The following GPR132 variants were observed in gnomAD, a reference collection of about 807,000 sequenced individuals.
The protein encoded by GPR132 is G protein-coupled receptor 132, also known as probable G protein-coupled receptor 132.
GPR132 carries 4 observed loss-of-function variants against 1.9 expected under a neutral mutation model. That is an observed-to-expected ratio of 2.13 (90% CI 1.05 to 4.87). The LOEUF is 4.87. Ranked by LOEUF, GPR132 falls within the 30% of genes most tolerant of loss-of-function variation. The pLI, the probability that GPR132 is intolerant of heterozygous loss-of-function variation, is 0.01. For synonymous variants in GPR132, 233 were observed against 234.2 expected (o/e 0.99, Z 0.05); for missense variants, 404 against 512.5 (o/e 0.79, Z 2.04).
rs571013881 is a variant in GPR132 at position 105,054,257 on chromosome 14, G to T, written c.34+1130C>A. The T allele has an allele frequency of 1.8e-5, 21 of 1,167,862 alleles. No individual in the cohort carries two copies. In the African/African-American group the frequency reaches 3.3e-4, roughly 18 times the overall value. The allele number at this position is 1,167,862 out of a possible 1,614,324, so 72.3% of individuals were successfully genotyped here. On this transcript the variant is annotated intron_variant, in intron 3 of 3. Transcript: ENST00000329797. ...GCTGTGCCCTGGCGCGAGGTCAGGG[G>T]TCCCTGGGCACTGTCCAGCCCGCTG... is the stretch of plus-strand genomic sequence containing the variant.
intron 1 of GPR132, 88 bp downstream of exon 1, chr14:105,065,291 T>G (rs1322573264): frequency 6.6e-6 from 1 of 152,158 alleles, no homozygotes; most frequent in African/African-American, 2.4e-5. Context: ...GATCCCCCTC[T>G]GCCCGCCTCC....
chr14:105,053,984 TG>T, intron 3 of GPR132: 1 of 1,244,934 alleles, frequency 8.0e-7, no homozygotes, highest in Non-Finnish European at 1.0e-6. Flanking sequence ...GCCAGGGGGT[TG>T]CTAGAGGTCA....
intron 3 of GPR132, chr14:105,054,302 T>C (rs1199256602): frequency 6.6e-6 from 7 of 1,067,964 alleles, no homozygotes; most frequent in South Asian, 2.3e-5. Flanking sequence ...ACCTTCCACA[T>C]GCAAATGTCG....
rs571923011 is a variant in GPR132 at position 105,060,719 on chromosome 14, G to A, written c.-860-3439C>T. ...CCTCCTTCACTTTAACTGGACCAAG[G>A]GTTCTGGAAACCCTCCCAAACCTGG... is the stretch of plus-strand genomic sequence containing the variant. On this transcript the variant is annotated intron_variant, in intron 1 of 3. Coordinates refer to ENST00000329797, the MANE Select transcript of GPR132 (RefSeq NM_013345.4). This position sits in a 1 kb window ranked among gnomAD's most constrained non-coding sequence, Gnocchi z 6.3. Among the ~76,000 whole-genome samples, 1 of 152,302 alleles carries A rather than the reference G, an allele frequency of 6.6e-6. No individual in the cohort carries two copies. The highest frequency in any genetic ancestry group is 2.1e-4 in the South Asian group (1 of 4,830).
chr14:105,055,981 A>G lies in GPR132; in HGVS notation c.-561T>C, dbSNP rs1204476826. 5.3e-6 allele frequency: 1 copy of G among 189,468 alleles called. No individual in the cohort carries two copies. The allele number at this position is 189,468 out of a possible 1,614,324, so 11.7% of individuals were successfully genotyped here. A position where few individuals can be genotyped will look rare whatever the true frequency, so the allele number is the denominator to read the frequency against. ...TTCCGTTCTCCTGGGTCAGACCCAC[A>G]GTTGGCATTGCTGGATCTCACGGCA... On this transcript the variant is annotated 5_prime_UTR_variant, in exon 3 of 4. Coordinates refer to ENST00000329797, the MANE Select transcript of GPR132 (RefSeq NM_013345.4). The surrounding 1 kb of genome is among the most constrained non-coding windows in gnomAD (Gnocchi z 4.7).
chr14:105,053,385 C>T (rs1347085805), intron 3 of GPR132, among the ~76,000 whole-genome samples: 1 of 152,094 alleles, frequency 6.6e-6, no homozygotes, highest in Non-Finnish European at 1.5e-5. Context: ...ATCTTGAACT[C>T]CCGACCTCAG....
Position 105,050,043 on chromosome 14 carries a change from G to A in GPR132, c.*951C>T, listed in dbSNP as rs1454361261. The A allele has an allele frequency of 6.6e-6, 1 of 152,484 alleles. No individual in the cohort carries two copies. The highest frequency in any genetic ancestry group is 1.5e-5 in the Non-Finnish European group (1 of 68,252). The allele number at this position is 152,484 out of a possible 1,614,324, so 9.4% of individuals were successfully genotyped here. ...TCGATGGTGACCCAGTGAGGTAGGT[G>A]TCATTGGCCCCATTTTACAGATAGG... On this transcript the variant is annotated 3_prime_UTR_variant, in exon 4 of 4. Coordinates refer to ENST00000329797, the MANE Select transcript of GPR132 (RefSeq NM_013345.4). This position sits in a 1 kb window ranked among gnomAD's most constrained non-coding sequence, Gnocchi z 4.0.
rs1886808236 is a variant in GPR132 at position 105,056,813 on chromosome 14, C to G, written c.-747+354G>C. 6.6e-6 allele frequency among the ~76,000 whole-genome samples: 1 copy of G among 152,218 alleles called. No homozygotes were observed. Among genetic ancestry groups the G allele is most frequent in the South Asian group, 2.1e-4 (1 of 4,828 alleles). On this transcript the variant is annotated intron_variant, in intron 2 of 3. Transcript: ENST00000329797. This position sits in a 1 kb window ranked among gnomAD's most constrained non-coding sequence, Gnocchi z 6.0. ...TGGGTCAGAAGTAGGGGCAACGGCA[C>G]CAGGAGACGCATGGATGCGGGGGGC...
chr14:105,058,351 C>A (rs1332301013), intron 1 of GPR132, among the ~76,000 whole-genome samples: 1 of 152,170 alleles, frequency 6.6e-6, no homozygotes, highest in African/African-American at 2.4e-5. Context: ...CAGAGAGAGA[C>A]CCCGTCTCAA....
chr14:105,062,149 G>A (rs1260359405), intron 1 of GPR132, among the ~76,000 whole-genome samples: 1 of 152,214 alleles, frequency 6.6e-6, no homozygotes, highest in Non-Finnish European at 1.5e-5. Context: ...AGACCACAGT[G>A]TGTGTGGGCC....
At chr14:105,058,974 G>A (rs982298018) in intron 1 of GPR132, among the ~76,000 whole-genome samples, 2 of 152,220 alleles carry the variant, frequency 1.3e-5, no homozygotes, top group African/African-American at 4.8e-5. Flanking sequence ...TGCAGTGCAG[G>A]GATAGAGGCT....
At position 105,051,542 on chromosome 14, in the gene GPR132, AC is replaced by A; in HGVS notation, c.594del (p.Tyr199ThrfsTer34). 2 of 1,613,954 alleles carry A rather than the reference AC, an allele frequency of 1.2e-6. No homozygotes were observed. The highest frequency in any genetic ancestry group is 1.7e-6 in the Non-Finnish European group (2 of 1,180,032). ...CCAACGGTGAACCTGGCGTAGTAGT[AC>A]CCGGCAATCCTGCTGTCCATCTGCA... ...DMLQMDSRIA[G>X]YYYARFTVGF... On this transcript the variant is annotated frameshift_variant, in exon 4 of 4. Coordinates refer to ENST00000329797, the MANE Select transcript of GPR132 (RefSeq NM_013345.4). LOFTEE classifies it low-confidence loss of function (END_TRUNC). The surrounding 1 kb of genome is among the most constrained non-coding windows in gnomAD (Gnocchi z 8.0).
At position 105,051,438 on chromosome 14, in the gene GPR132, G is replaced by A. The variant is rs75775050; in HGVS notation, c.699C>T (p.Ser233=). Residue 233 remains serine (S), a synonymous_variant, in exon 4 of 4, where the codon AGC becomes AGT. Coordinates refer to ENST00000329797, the MANE Select transcript of GPR132 (RefSeq NM_013345.4). This position sits in a 1 kb window ranked among gnomAD's most constrained non-coding sequence, Gnocchi z 8.0. ...GCTTCACCTTGGCCTTCTGGGCAGC[G>A]CTTAAGCCCATGCTCTGCTTGATGC... The part of the protein sequence containing the change: ...FRSIKQSMGL[S]AAQKAKVKHS... 1,849 of 1,614,084 alleles carry A rather than the reference G, an allele frequency of 1.1e-3. 29 individuals carry two copies. In the East Asian group the frequency reaches 0.029, roughly 26 times the overall value.
At position 105,050,608 on chromosome 14, in the gene GPR132, G is replaced by A. The variant is rs1161833582; in HGVS notation, c.*386C>T. The stretch of plus-strand genomic sequence containing the variant: ...CAATGCACCACCGCATCCAGGCAAC[G>A]CTTGCAGAAATGCTCCGCAAATAAA... On this transcript the variant is annotated 3_prime_UTR_variant, in exon 4 of 4. Transcript: ENST00000329797. The surrounding 1 kb of genome is among the most constrained non-coding windows in gnomAD (Gnocchi z 4.0). The A allele has an allele frequency of 1.3e-5, 3 of 239,134 alleles. No individual in the cohort carries two copies. The highest frequency in any genetic ancestry group is 7.0e-5 in the South Asian group (1 of 14,364). 14.8% of individuals were successfully genotyped at this position (239,134 alleles called of 1,614,324 possible).
At position 105,056,837 on chromosome 14, in the gene GPR132, G is replaced by A. The variant is rs940517438; in HGVS notation, c.-747+330C>T. Among the ~76,000 whole-genome samples the A allele has an allele frequency of 6.6e-6, 1 of 152,248 alleles. No homozygotes were observed. The highest frequency in any genetic ancestry group is 1.5e-5 in the Non-Finnish European group (1 of 68,038). On this transcript the variant is annotated intron_variant, in intron 2 of 3. Transcript: ENST00000329797. This position sits in a 1 kb window ranked among gnomAD's most constrained non-coding sequence, Gnocchi z 6.0. ...ACCAGGAGACGCATGGATGCGGGGG[G>A]CTGGTGGTCAGCTCCTCATGGCCCA...
chr14:105,062,244 C>T (rs907687002), intron 1 of GPR132, among the ~76,000 whole-genome samples: 1 of 152,216 alleles, frequency 6.6e-6, no homozygotes, highest in Non-Finnish European at 1.5e-5. Flanking sequence ...CCTGCCTCCA[C>T]CTCACATCAG....
Position 105,051,126 on chromosome 14 carries a change from C to G in GPR132, c.1011G>C (p.Arg337Ser), listed in dbSNP as rs1194206915. The G allele has an allele frequency of 2.5e-6, 4 of 1,614,184 alleles. No individual in the cohort carries two copies. The highest frequency in any genetic ancestry group is 2.5e-6 in the Non-Finnish European group (3 of 1,180,040). ...KEWSMKTDVT[R>S]LTHSRDTEEL... ...CCTCGGTGTCCCTGCTGTGGGTGAG[C>G]CTGGTGACGTCTGTCTTCATGGACC... is the stretch of plus-strand genomic sequence containing the variant. Residue 337 changes from arginine (R) to serine (S), a missense_variant, in exon 4 of 4, where the codon AGG becomes AGC. Physicochemically the swap from Arg to Ser is moderately radical, Grantham distance 110. Coordinates refer to ENST00000329797, the MANE Select transcript of GPR132 (RefSeq NM_013345.4). This position sits in a 1 kb window ranked among gnomAD's most constrained non-coding sequence, Gnocchi z 8.0.
chr14:105,054,114 G>T, intron 3 of GPR132: 1 of 1,287,890 alleles, frequency 7.8e-7, no homozygotes, highest in Non-Finnish European at 1.0e-6. Flanking sequence ...ACAGATCATG[G>T]AGTCCCACCT....
rs1008071283 is a variant in GPR132 at position 105,059,140 on chromosome 14, G to A, written c.-860-1860C>T. On this transcript the variant is annotated intron_variant, in intron 1 of 3. Coordinates refer to ENST00000329797, the MANE Select transcript of GPR132 (RefSeq NM_013345.4). This position sits in a 1 kb window ranked among gnomAD's most constrained non-coding sequence, Gnocchi z 4.2. Reference sequence around the variant, plus strand: ...TCCCAGTGCACACTCCCCTCCCAGGGCAGGGCCGGCCCGGCTGCGGGCAGA... The same window carrying A: ...TCCCAGTGCACACTCCCCTCCCAGGACAGGGCCGGCCCGGCTGCGGGCAGA... Among the ~76,000 whole-genome samples, 5 of 152,190 alleles carry A rather than the reference G, an allele frequency of 3.3e-5. No homozygotes were observed. Among genetic ancestry groups the A allele is most frequent in the Admixed American group, 1.3e-4 (2 of 15,288 alleles).
Sources: allele counts gnomAD v4.1 joint callset (sites outside exome capture counted in the v4.1 genomes callset), GRCh38; gene constraint gnomAD v4.1.1; non-coding constraint Gnocchi (gnomAD v3.1); transcripts MANE v1.5; gene names NCBI Gene and HGNC (gene_info 2026-07-23, HGNC 2026-07-21).